HSD17B12: variants seen among roughly 807,000 people sequenced by gnomAD.
The protein encoded by HSD17B12 is hydroxysteroid 17-beta dehydrogenase 12, also known as very-long-chain 3-oxoacyl-CoA reductase.
Under a neutral mutation model 39.3 loss-of-function variants are expected in HSD17B12, and 32 were observed. That is an observed-to-expected ratio of 0.81 (90% confidence interval 0.61 to 1.09). The LOEUF is 1.09. Among genes scored for constraint, HSD17B12 ranks in the 50% least tolerant of loss-of-function variants. The pLI is 0.00. For missense variants in HSD17B12, 342 were observed against 382.9 expected (o/e 0.89, Z 0.89); for synonymous variants, 150 against 146.7 (o/e 1.02, Z -0.16).
At chr11:43,680,359 A>C (rs1949728818), upstream of HSD17B12, among the ~76,000 whole-genome samples, 1 of 152,170 alleles carries the variant, frequency 6.6e-6, no homozygotes, top group Non-Finnish European at 1.5e-5. Context: ...GGTGTTAGCC[A>C]CCGCGCCCTG....
At chr11:43,645,389 T>C in the HSD17B12 span, 1 of 152,232 alleles carries the variant, frequency 6.6e-6, no homozygotes, top group Admixed American at 6.5e-5. Flanking sequence ...TTTAAAAGCT[T>C]TTTCCCACAA....
chr11:43,667,545 G>T, the HSD17B12 span, among the ~76,000 whole-genome samples: 2 of 152,110 alleles, frequency 1.3e-5, no homozygotes, highest in Non-Finnish European at 2.9e-5. Flanking sequence ...AATACGGATC[G>T]GGTATCCTTT....
At chr11:43,639,516 C>T in the HSD17B12 span, among the ~76,000 whole-genome samples, 1 of 152,056 alleles carries the variant, frequency 6.6e-6, no homozygotes, top group African/African-American at 2.4e-5. Flanking sequence ...AGAGGGAGCA[C>T]TCAAGCCTTT....
chr11:43,592,849 G>A, the HSD17B12 span, among the ~76,000 whole-genome samples: 1 of 152,088 alleles, frequency 6.6e-6, no homozygotes, highest in East Asian at 1.9e-4. Context: ...AAGGGGGTCA[G>A]GATCCTTTTT....
the HSD17B12 span, among the ~76,000 whole-genome samples, chr11:43,621,546 C>G: frequency 8.5e-5 from 13 of 152,064 alleles, no homozygotes; most frequent in African/African-American, 2.7e-4. Context: ...GAAACTCCCT[C>G]TCTACAAAAA....
At chr11:43,853,451 G>C (rs11037679) in intron 9 of HSD17B12, 1 of 150,338 alleles carries the variant, frequency 6.7e-6, no homozygotes, top group South Asian at 2.1e-4. Context: ...GAAATTTTAA[G>C]ATTTTGACCA....
At chr11:43,616,116 A>G in the HSD17B12 span, among the ~76,000 whole-genome samples, 1 of 152,218 alleles carries the variant, frequency 6.6e-6, no homozygotes, top group African/African-American at 2.4e-5. Context: ...TTTTAAAATT[A>G]TATTCAGCAG....
rs185743310 is a variant in HSD17B12 at position 43,717,886 on chromosome 11, C to T, written c.161-33025C>T. ...GTGGCACCATCTTGGCTCATTGCAA[C>T]CTCCACATCCTGGGTTTAAGCAATT... On this transcript the variant is annotated intron_variant, in intron 1 of 10. Coordinates refer to ENST00000278353, the MANE Select transcript of HSD17B12 (RefSeq NM_016142.3). 5.3e-5 allele frequency among the ~76,000 whole-genome samples: 8 copies of T among 150,888 alleles called. No homozygotes were observed. The East Asian group carries it at 1.6e-3, about 29-fold the overall frequency.
the HSD17B12 span, among the ~76,000 whole-genome samples, chr11:43,620,862 A>G: frequency 6.6e-6 from 1 of 152,248 alleles, no homozygotes; most frequent in African/African-American, 2.4e-5. Flanking sequence ...ACAGAAGTTC[A>G]GCCTTAACTC....
chr11:43,807,554 C>A (rs1361562862), intron 4 of HSD17B12, among the ~76,000 whole-genome samples: 1 of 152,146 alleles, frequency 6.6e-6, no homozygotes, highest in Non-Finnish European at 1.5e-5. Flanking sequence ...GTTTAGACTT[C>A]ATTGGAAGTA....
chr11:43,648,494 G>T, the HSD17B12 span, among the ~76,000 whole-genome samples: 1 of 152,040 alleles, frequency 6.6e-6, no homozygotes. Context: ...GAAGAGAGAT[G>T]CATGATTTGG....
intron 4 of HSD17B12, among the ~76,000 whole-genome samples, chr11:43,802,965 T>C (rs1251158716): frequency 6.6e-6 from 1 of 152,250 alleles, no homozygotes; most frequent in Non-Finnish European, 1.5e-5. Context: ...AACTTTTGCA[T>C]ACATTATCTC....
chr11:43,560,009 T>C, the HSD17B12 span, among the ~76,000 whole-genome samples: 1 of 152,186 alleles, frequency 6.6e-6, no homozygotes, highest in African/African-American at 2.4e-5. Flanking sequence ...AATCTCTCTC[T>C]AGAATCGTCA....
At chr11:43,580,921 G>A in the HSD17B12 span, among the ~76,000 whole-genome samples, 1 of 152,056 alleles carries the variant, frequency 6.6e-6, no homozygotes, top group Non-Finnish European at 1.5e-5. Context: ...CTCTGGGGGA[G>A]TTTTTCTCTT....
chr11:43,694,767 G>A (rs1420902347), intron 1 of HSD17B12, among the ~76,000 whole-genome samples: 4 of 152,138 alleles, frequency 2.6e-5, no homozygotes, highest in African/African-American at 7.2e-5. Context: ...AATCAGTCCA[G>A]TGTGCTCATT....
At chr11:43,796,032 G>T (rs1950913002) in intron 3 of HSD17B12, among the ~76,000 whole-genome samples, 3 of 152,180 alleles carry the variant, frequency 2.0e-5, no homozygotes, top group South Asian at 4.2e-4. Context: ...ATAGGGAATG[G>T]TAAGTTTAAG....
the HSD17B12 span, among the ~76,000 whole-genome samples, chr11:43,593,336 CA>C: frequency 6.6e-6 from 1 of 152,116 alleles, no homozygotes; most frequent in South Asian, 2.1e-4. Context: ...TAAATATTGA[CA>C]ATATTTTTTG....
the HSD17B12 span, among the ~76,000 whole-genome samples, chr11:43,605,138 G>A: frequency 6.6e-6 from 1 of 152,306 alleles, no homozygotes; most frequent in Admixed American, 6.5e-5. Flanking sequence ...AATTCCCCGG[G>A]ATTTCTGGGG....
the HSD17B12 span, chr11:43,640,936 T>A: frequency 6.6e-6 from 1 of 151,926 alleles, no homozygotes; most frequent in Non-Finnish European, 1.5e-5. Flanking sequence ...TACTTGTTTT[T>A]TTTTTATTTC....
Sources: gnomAD v4.1 joint callset for allele counts (sites outside exome capture counted in the v4.1 genomes callset) on GRCh38, gnomAD v4.1.1 for gene constraint, MANE v1.5 for transcripts, NCBI Gene and HGNC (gene_info 2026-07-23, HGNC 2026-07-21) for gene names.